HHAT: variants seen among roughly 807,000 people sequenced by gnomAD.
HHAT encodes protein-cysteine N-palmitoyltransferase HHAT.
Under a neutral mutation model 70.8 loss-of-function variants are expected in HHAT, and 47 were observed. That is an observed-to-expected ratio of 0.66 (90% CI 0.53 to 0.85). The LOEUF is 0.85. Ranked by LOEUF, HHAT falls within the 40% of genes least tolerant of loss-of-function variation. The pLI, the probability that HHAT is intolerant of heterozygous loss-of-function variation, is 0.00. For missense variants in HHAT, 609 were observed against 604.8 expected, an observed-to-expected ratio of 1.01 and a Z score of -0.07; for synonymous variants, 228 against 247.6, an observed-to-expected ratio of 0.92 and a Z score of 0.74.
At chr1:210,649,824 GCTT>G (rs1674775564) in intron 11 of HHAT, among the ~76,000 whole-genome samples, 1 of 152,326 alleles carries the variant, frequency 6.6e-6, no homozygotes, top group Non-Finnish European at 1.5e-5. Context: ...TAGGGCAGCA[GCTT>G]CTTTGGAAGT....
At chr1:210,634,976 G>C (rs180935059) in intron 11 of HHAT, among the ~76,000 whole-genome samples, 1 of 152,352 alleles carries the variant, frequency 6.6e-6, no homozygotes, top group Non-Finnish European at 1.5e-5. Flanking sequence ...GCTAGAAGGA[G>C]AGGGTTTTGG....
intron 6 of HHAT, among the ~76,000 whole-genome samples, chr1:210,417,415 A>G (rs747967315): frequency 1.3e-5 from 2 of 152,062 alleles, no homozygotes; most frequent in Non-Finnish European, 2.9e-5. Flanking sequence ...TTGTAGTTTT[A>G]GTAGAGATGG....
intron 11 of HHAT, among the ~76,000 whole-genome samples, chr1:210,670,033 G>A (rs998385398): frequency 6.6e-6 from 1 of 152,068 alleles, no homozygotes; most frequent in Non-Finnish European, 1.5e-5. Flanking sequence ...GACTGCAGGG[G>A]GAGGAAGTCA....
At chr1:210,458,754 T>C (rs1236903005) in intron 7 of HHAT, among the ~76,000 whole-genome samples, 1 of 152,180 alleles carries the variant, frequency 6.6e-6, no homozygotes, top group African/African-American at 2.4e-5. Flanking sequence ...CCCTCCACCT[T>C]TCAGCGTGAG....
intron 5 of HHAT, among the ~76,000 whole-genome samples, chr1:210,401,650 G>A (rs972116593): frequency 4.6e-5 from 7 of 152,120 alleles, no homozygotes. Flanking sequence ...TATTTTATAG[G>A]CACTTACCTT....
At chr1:210,528,283 A>G (rs1035177739) in intron 9 of HHAT, among the ~76,000 whole-genome samples, 1 of 152,224 alleles carries the variant, frequency 6.6e-6, no homozygotes. Context: ...AGGGAAAAGC[A>G]TATCAAACCC....
In HHAT at chr1:210,354,952, C is replaced by T. The variant is rs539757469; in HGVS notation, c.91+5886C>T. On this transcript the variant is annotated intron_variant, in intron 2 of 11. Transcript: ENST00000261458. ...ATTGATATTTTTATAATGTGTCTTT[C>T]TATCCAATAATATATTTTTTCTTTG... Among the ~76,000 whole-genome samples, 53 of 152,192 alleles carry T rather than the reference C, an allele frequency of 3.5e-4. 1 individual carries two copies. The South Asian group carries it at 3.9e-3, about 11-fold the overall frequency.
At position 210,565,446 on chromosome 1, in the gene HHAT, G is replaced by C. The variant is rs545568896; in HGVS notation, c.1044-22452G>C. ...TGTAGTAGATGCTTAGAAAATATTT[G>C]GTGATGATGCAAATATATGGTTAGG... On this transcript the variant is annotated intron_variant, in intron 9 of 11. Coordinates refer to ENST00000261458, the MANE Select transcript of HHAT (RefSeq NM_018194.6). Among the ~76,000 whole-genome samples, 4 of 152,258 alleles carry C rather than the reference G, an allele frequency of 2.6e-5. No homozygotes were observed. The East Asian group carries it at 7.7e-4, about 29-fold the overall frequency.
intron 4 of HHAT, among the ~76,000 whole-genome samples, chr1:210,393,492 T>A (rs1175572038): frequency 6.6e-6 from 1 of 152,192 alleles, no homozygotes; most frequent in African/African-American, 2.4e-5. Flanking sequence ...GTACCTGATG[T>A]TGTTGGCTGG....
chr1:210,570,155 G>A (rs1655893004), intron 9 of HHAT, among the ~76,000 whole-genome samples: 1 of 152,170 alleles, frequency 6.6e-6, no homozygotes. Context: ...CACCCTGAAA[G>A]GGAGACATTT....
chr1:210,522,267 CTT>C (rs1250144760), intron 9 of HHAT, among the ~76,000 whole-genome samples: 1 of 152,142 alleles, frequency 6.6e-6, no homozygotes, highest in Non-Finnish European at 1.5e-5. Flanking sequence ...CCCCAGGTAT[CTT>C]TTATCCCTGC....
chr1:210,615,454 C>T (rs189702319), intron 10 of HHAT, among the ~76,000 whole-genome samples: 50 of 152,354 alleles, frequency 3.3e-4, no homozygotes, highest in African/African-American at 9.6e-4. Flanking sequence ...ATTCATTCTC[C>T]GTCCAGCTTT....
intron 2 of HHAT, among the ~76,000 whole-genome samples, chr1:210,362,394 T>G (rs2088441818): frequency 6.6e-6 from 1 of 152,100 alleles, no homozygotes; most frequent in South Asian, 2.1e-4. Context: ...ACCTGGCTAA[T>G]TTTTGTATTT....
chr1:210,431,130 T>C (rs940221877), intron 7 of HHAT, among the ~76,000 whole-genome samples: 1 of 151,894 alleles, frequency 6.6e-6, no homozygotes, highest in African/African-American at 2.4e-5. Context: ...AGAGAATATT[T>C]AGGTTTATTT....
At chr1:210,505,410 G>T (rs2094835696) in intron 8 of HHAT, among the ~76,000 whole-genome samples, 2 of 152,126 alleles carry the variant, frequency 1.3e-5, no homozygotes, top group Non-Finnish European at 2.9e-5. Flanking sequence ...GGGTCTAGGG[G>T]GCCTGGTCGA....
chr1:210,334,825 A>G (rs984752500), intron 1 of HHAT, among the ~76,000 whole-genome samples: 13 of 152,062 alleles, frequency 8.5e-5, no homozygotes, highest in African/African-American at 3.1e-4. Context: ...ATTTCATGGT[A>G]ATACATTTGA....
chr1:210,535,985 C>T (rs1020547331), intron 9 of HHAT, among the ~76,000 whole-genome samples: 2 of 152,194 alleles, frequency 1.3e-5, no homozygotes, highest in Admixed American at 1.3e-4. Context: ...TAACTCTCAG[C>T]TGCTCCTGGG....
chr1:210,421,014 G>A (rs986510796), intron 7 of HHAT, among the ~76,000 whole-genome samples: 1 of 151,998 alleles, frequency 6.6e-6, no homozygotes, highest in Non-Finnish European at 1.5e-5. Flanking sequence ...GCTCTTCTCG[G>A]CAGTGTGTTT....
rs147145766 is a variant in HHAT, at chr1:210,378,101, A to G, written c.160-9367A>G. ...AGAAAACTCTTCCAATAATTGCTCA[A>G]TGAATCATTAGCCTGAGTTCATTCG... On this transcript the variant is annotated intron_variant, in intron 3 of 11. Transcript: ENST00000261458. Among the ~76,000 whole-genome samples the G allele has an allele frequency of 4.5e-4, 68 of 152,378 alleles. 1 individual carries two copies. Among genetic ancestry groups the G allele is most frequent in the African/African-American group, 1.5e-3 (61 of 41,598 alleles).
Sources: allele counts gnomAD v4.1 joint callset (sites outside exome capture counted in the v4.1 genomes callset), GRCh38; gene constraint gnomAD v4.1.1; transcripts MANE v1.5; gene names NCBI Gene and HGNC (gene_info 2026-07-23, HGNC 2026-07-21).